Variants in XRN2 observed in about 807,000 individuals in gnomAD.
XRN2 encodes 5'-3' exoribonuclease 2.
In XRN2, 44 loss-of-function variants were observed where a neutral mutation model predicts 138.5. That is an observed-to-expected ratio of 0.32 (90% CI 0.25 to 0.41). The LOEUF is 0.41. XRN2 is among the 10% of genes least tolerant of loss of function. The pLI is 1.00. For synonymous variants in XRN2, 354 were observed against 369.4 expected, an observed-to-expected ratio of 0.96 and a Z score of 0.48; for missense variants, 937 against 1,169.3, an observed-to-expected ratio of 0.80 and a Z score of 2.90.
In XRN2 at chr20:21,375,818, ATTTATTTATTT is replaced by A. The variant is rs1404628307; in HGVS notation, c.2585-6164_2585-6154del. Among the ~76,000 whole-genome samples the A allele has an allele frequency of 1.4e-3, 200 of 146,392 alleles. 2 individuals carry two copies. The highest frequency in any genetic ancestry group is 0.011 in the Middle Eastern group (3 of 278). On this transcript the variant is annotated intron_variant, in intron 27 of 29. Transcript: ENST00000377191. Reference sequence around the variant, plus strand: ...CCACCAATACCAGGTGTTTTTATTTATTTATTTATTTTTTATTTATTTATTTATTTATTTAT... The same window carrying A: ...CCACCAATACCAGGTGTTTTTATTTATTTATTTATTTATTTATTTATTTAT...
Position 21,330,725 on chromosome 20 carries a change from AC to A in XRN2, c.576+21del, listed in dbSNP as rs1294187394. ...TTGACAGTAAGTTTCACATTTTGAT[AC>A]TTCAGAAAGATTAGGGTGATCATTC... On this transcript the variant is annotated intron_variant, in intron 6 of 29. Coordinates refer to ENST00000377191, the MANE Select transcript of XRN2 (RefSeq NM_012255.5). 6.3e-7 allele frequency: 1 copy of A among 1,599,738 alleles called. No individual in the cohort carries two copies. Among genetic ancestry groups the A allele is most frequent in the Admixed American group, 1.7e-5 (1 of 59,956 alleles).
At chr20:21,340,265 A>G (rs1401542794) in intron 14 of XRN2, among the ~76,000 whole-genome samples, 1 of 152,166 alleles carries the variant, frequency 6.6e-6, no homozygotes, top group African/African-American at 2.4e-5. Context: ...ACTGCACCCT[A>G]GCCTGCACAA....
intron 20 of XRN2, among the ~76,000 whole-genome samples, chr20:21,351,990 T>C (rs2038515908): frequency 6.6e-6 from 1 of 152,246 alleles, no homozygotes; most frequent in Admixed American, 6.5e-5. Flanking sequence ...AAGTCAGAAA[T>C]TGTGTCTTCC....
Position 21,328,539 on chromosome 20 carries a change from A to T in XRN2, c.316-20A>T. On this transcript the variant is annotated intron_variant, in intron 3 of 29. Transcript: ENST00000377191. Reference sequence around the variant, plus strand: ...GTGAATATTTTGATGAGTGTTATGGAATATGAAATACATTTTCAGGCACCA... The same window carrying T: ...GTGAATATTTTGATGAGTGTTATGGTATATGAAATACATTTTCAGGCACCA... The T allele has an allele frequency of 6.2e-7, 1 of 1,604,076 alleles. No homozygotes were observed. The highest frequency in any genetic ancestry group is 2.2e-5 in the East Asian group (1 of 44,826).
chr20:21,374,146 T>C (rs1364764347), intron 27 of XRN2, among the ~76,000 whole-genome samples: 2 of 152,250 alleles, frequency 1.3e-5, no homozygotes, highest in African/African-American at 4.8e-5. Context: ...TGTTTATATG[T>C]AGAAATAAAG....
intron 21 of XRN2, among the ~76,000 whole-genome samples, chr20:21,355,126 C>T (rs552407970): frequency 6.6e-6 from 1 of 152,200 alleles, no homozygotes; most frequent in African/African-American, 2.4e-5. Context: ...TCAACAATAT[C>T]CTTTGACATT....
intron 20 of XRN2, among the ~76,000 whole-genome samples, chr20:21,350,418 C>T (rs1168624567): frequency 2.9e-5 from 4 of 139,064 alleles, no homozygotes; most frequent in East Asian, 2.4e-4. Context: ...CCCAGCTACT[C>T]GGGAGGCAGA....
At chr20:21,333,883 T>C in intron 11 of XRN2, 46 bp downstream of exon 11, 1 of 1,614,134 alleles carries the variant, frequency 6.2e-7, no homozygotes, top group Non-Finnish European at 8.5e-7. Context: ...TTAGGCTTCT[T>C]GACTTTACTG....
chr20:21,341,466 G>A (rs928931448), intron 15 of XRN2, among the ~76,000 whole-genome samples: 1 of 152,086 alleles, frequency 6.6e-6, no homozygotes, highest in African/African-American at 2.4e-5. Flanking sequence ...TTGCCTTGTG[G>A]TATTCTTCCA....
At chr20:21,386,585 A>G (rs1004911238) in intron 28 of XRN2, among the ~76,000 whole-genome samples, 2 of 152,222 alleles carry the variant, frequency 1.3e-5, no homozygotes, top group Admixed American at 6.5e-5. Flanking sequence ...TTAAGTGACT[A>G]AAAAGGAAAT....
intron 24 of XRN2, among the ~76,000 whole-genome samples, chr20:21,360,088 A>G (rs976015380): frequency 6.6e-6 from 1 of 152,152 alleles, no homozygotes; most frequent in Non-Finnish European, 1.5e-5. Flanking sequence ...CTAGGAGATC[A>G]TATTTTTTTC....
intron 29 of XRN2, 151 bp downstream of exon 29, chr20:21,387,157 G>A (rs1288772096): frequency 9.4e-7 from 1 of 1,059,962 alleles, no homozygotes; most frequent in Non-Finnish European, 1.3e-6. Flanking sequence ...CATTAAAAAT[G>A]TATATGGGTT....
chr20:21,353,386 T>TA (rs1373786103), intron 20 of XRN2, among the ~76,000 whole-genome samples: 5 of 151,086 alleles, frequency 3.3e-5, no homozygotes, highest in Non-Finnish European at 5.9e-5. Flanking sequence ...TTCATGTGTT[T>TA]ATCAGTAATT....
intron 24 of XRN2, among the ~76,000 whole-genome samples, chr20:21,363,882 G>A (rs1265669564): frequency 6.6e-6 from 1 of 152,126 alleles, no homozygotes; most frequent in African/African-American, 2.4e-5. Flanking sequence ...AATATGTCTA[G>A]TCTGTTGTAT....
At chr20:21,339,691 A>G (rs2038346399) in intron 14 of XRN2, among the ~76,000 whole-genome samples, 1 of 152,208 alleles carries the variant, frequency 6.6e-6, no homozygotes, top group Admixed American at 6.5e-5. Flanking sequence ...TACCTTTTCT[A>G]CAAGGCCTCC....
chr20:21,369,212 G>A (rs545182699), intron 27 of XRN2, among the ~76,000 whole-genome samples: 2 of 152,228 alleles, frequency 1.3e-5, no homozygotes, highest in African/African-American at 4.8e-5. Context: ...AACGACCTCC[G>A]TTTCCATCCA....
chr20:21,341,524 G>A (rs2038371814), intron 15 of XRN2, among the ~76,000 whole-genome samples: 1 of 152,118 alleles, frequency 6.6e-6, no homozygotes. Context: ...AACCTATCCT[G>A]CAAGGCTGTA....
At chr20:21,330,759 T>G (rs1600685087) in intron 6 of XRN2, 54 bp downstream of exon 6, 2 of 1,471,008 alleles carry the variant, frequency 1.4e-6, no homozygotes, top group East Asian at 2.3e-5. Context: ...TTCGAGGCTG[T>G]ACTTTGATAT....
intron 26 of XRN2, among the ~76,000 whole-genome samples, chr20:21,367,156 T>C (rs2122315033): frequency 6.6e-6 from 1 of 152,298 alleles, no homozygotes; most frequent in South Asian, 2.1e-4. Context: ...ATTAGTAATT[T>C]GTATTTCCTC....
Sources: gnomAD v4.1 joint callset for allele counts (sites outside exome capture counted in the v4.1 genomes callset) on GRCh38, gnomAD v4.1.1 for gene constraint, MANE v1.5 for transcripts, NCBI Gene and HGNC (gene_info 2026-07-23, HGNC 2026-07-21) for gene names.